The following ACTR3B variants were observed in gnomAD, a reference collection of about 807,000 sequenced individuals.
The protein encoded by ACTR3B is actin-related protein 3B.
A neutral mutation model predicts 59.0 loss-of-function variants in ACTR3B; 8 were observed. The observed-to-expected ratio is 0.14, with a 90% CI of 0.08 to 0.24. The LOEUF (loss-of-function observed/expected upper bound fraction) is 0.24, where lower values mean the gene tolerates loss of function less well. Ranked by LOEUF, ACTR3B falls within the 10% of genes least tolerant of loss-of-function variation. ACTR3B has a pLI of 1.00. For missense variants in ACTR3B, 245 were observed against 552.3 expected, an observed-to-expected ratio of 0.44 and a Z score of 5.58; for synonymous variants, 148 against 197.9, an observed-to-expected ratio of 0.75 and a Z score of 2.12.
chr7:152,772,822 C>T (rs561959175), intron 1 of ACTR3B, among the ~76,000 whole-genome samples: 109 of 150,036 alleles, frequency 7.3e-4, no homozygotes, highest in Non-Finnish European at 1.0e-3. Context: ...GAATAAATAC[C>T]GACTCAACCT....
intron 1 of ACTR3B, among the ~76,000 whole-genome samples, chr7:152,780,034 G>T (rs3107843): frequency 9.2e-5 from 14 of 152,126 alleles, no homozygotes; most frequent in East Asian, 5.8e-4. Flanking sequence ...AGGAGGGTAA[G>T]GATCTCATAG....
intron 1 of ACTR3B, among the ~76,000 whole-genome samples, chr7:152,781,493 A>G (rs1000293394): frequency 5.9e-5 from 9 of 152,166 alleles, no homozygotes; most frequent in Admixed American, 2.0e-4. Flanking sequence ...TGTTCTGGGC[A>G]GCGTGTGGAA....
At chr7:152,851,954 A>G (rs1422425359) in intron 9 of ACTR3B, among the ~76,000 whole-genome samples, 172 bp from the exon 10 acceptor site, 1 of 150,714 alleles carries the variant, frequency 6.6e-6, no homozygotes, top group African/African-American at 2.4e-5. Context: ...CTCCATAAAA[A>G]AAAAATCTAC....
At chr7:152,764,405 G>A (rs568381744) in intron 1 of ACTR3B, among the ~76,000 whole-genome samples, 1 of 152,194 alleles carries the variant, frequency 6.6e-6, no homozygotes, top group East Asian at 1.9e-4. Flanking sequence ...CGAGGATGTG[G>A]ATCACGACCC....
rs780405400 is a variant in ACTR3B, at chr7:152,823,327, T to C, written c.685-15T>C. On this transcript the variant is annotated splice_polypyrimidine_tract_variant and intron_variant, in intron 7 of 11. Transcript: ENST00000256001. The stretch of plus-strand genomic sequence containing the variant: ...AGTTGTTAATGCCTGGCAACATCTT[T>C]GTGTGTGTATGCAGGAGAAATACTG... The C allele has an allele frequency of 6.2e-7, 1 of 1,611,416 alleles. No individual in the cohort carries two copies. The highest frequency in any genetic ancestry group is 8.5e-7 in the Non-Finnish European group (1 of 1,178,530).
At chr7:152,783,570 T>G (rs1394173558) in intron 2 of ACTR3B, among the ~76,000 whole-genome samples, 1 of 152,146 alleles carries the variant, frequency 6.6e-6, no homozygotes, top group Non-Finnish European at 1.5e-5. Flanking sequence ...CTTAATGGAC[T>G]GAATATCTCT....
chr7:152,851,194 TA>T (rs1798774804), intron 9 of ACTR3B, among the ~76,000 whole-genome samples: 1 of 152,202 alleles, frequency 6.6e-6, no homozygotes, highest in African/African-American at 2.4e-5. Context: ...CAGTAACTAC[TA>T]AAGTAGAATA....
At chr7:152,819,168 A>T (rs1305457345) in intron 6 of ACTR3B, among the ~76,000 whole-genome samples, 1 of 152,248 alleles carries the variant, frequency 6.6e-6, no homozygotes, top group Admixed American at 6.5e-5. Context: ...CCTTACAAAT[A>T]CTTGGACTCT....
At chr7:152,780,477 A>G (rs2098148930) in intron 1 of ACTR3B, among the ~76,000 whole-genome samples, 3 of 151,776 alleles carry the variant, frequency 2.0e-5, no homozygotes, top group Non-Finnish European at 2.9e-5. Flanking sequence ...TTCCAAGACT[A>G]TACTGTCTAA....
intron 9 of ACTR3B, among the ~76,000 whole-genome samples, chr7:152,843,256 C>T (rs777962739): frequency 4.6e-5 from 7 of 151,770 alleles, no homozygotes; most frequent in Non-Finnish European, 1.0e-4. Context: ...GAAATTTTTG[C>T]CTACCACAAA....
intron 1 of ACTR3B, among the ~76,000 whole-genome samples, chr7:152,780,931 G>A (rs1275722205): frequency 6.8e-6 from 1 of 148,076 alleles, no homozygotes; most frequent in Non-Finnish European, 1.5e-5. Flanking sequence ...CTGCAACCTC[G>A]AACTCCTGGG....
chr7:152,854,742 T>C lies in ACTR3B; in HGVS notation c.*189T>C, dbSNP rs1799129004. 3 of 549,846 alleles carry C rather than the reference T, an allele frequency of 5.5e-6. No individual in the cohort carries two copies. The Admixed American group carries it at 9.5e-5, about 17-fold the overall frequency. The allele number at this position is 549,846 out of a possible 1,614,324, so 34.1% of individuals were successfully genotyped here. ...CCATTTATCCGTGTGCCGACCGCTG[T>C]CTGCCAGCCTCCTCCTTCTCCCGCC... On this transcript the variant is annotated 3_prime_UTR_variant, in exon 12 of 12. Transcript: ENST00000256001. The surrounding 1 kb of genome is among the most constrained non-coding windows in gnomAD (Gnocchi z 4.9).
chr7:152,788,159 G>T (rs1413360771), intron 2 of ACTR3B, among the ~76,000 whole-genome samples: 13 of 59,560 alleles, frequency 2.2e-4, no homozygotes, highest in Non-Finnish European at 1.8e-4. Context: ...GTTTCACCAT[G>T]TTGGCCAGGC....
At chr7:152,812,599 A>G (rs1252237931) in intron 4 of ACTR3B, 2 of 136,608 alleles carry the variant, frequency 1.5e-5, no homozygotes, top group Admixed American at 8.1e-5. Flanking sequence ...GTTTTGATAC[A>G]TATAATGTGT....
intron 2 of ACTR3B, among the ~76,000 whole-genome samples, chr7:152,790,900 C>T (rs976082712): frequency 6.6e-6 from 1 of 152,004 alleles, no homozygotes; most frequent in African/African-American, 2.4e-5. Flanking sequence ...CCTCAGATGG[C>T]TTTTTTGGCA....
intron 9 of ACTR3B, among the ~76,000 whole-genome samples, chr7:152,835,824 T>C (rs1797408554): frequency 6.6e-6 from 1 of 152,182 alleles, no homozygotes; most frequent in Admixed American, 6.5e-5. Flanking sequence ...AATAGTTCTG[T>C]CTCCCTACCC....
chr7:152,773,540 T>C (rs1409409092), intron 1 of ACTR3B, among the ~76,000 whole-genome samples: 1 of 151,646 alleles, frequency 6.6e-6, no homozygotes, highest in Non-Finnish European at 1.5e-5. Context: ...GGAGTGGAGA[T>C]CATGATACTG....
chr7:152,816,581 T>C lies in ACTR3B; in HGVS notation c.533T>C (p.Ile178Thr), dbSNP rs1480367428. The change falls in exon 6 of 12, where the codon ATC becomes ACC. Residue 178 changes from isoleucine to threonine, a missense_variant. Coordinates refer to ENST00000256001, the MANE Select transcript of ACTR3B (RefSeq NM_020445.6). The part of the protein sequence containing the change: ...IDSGDGVTHV[I>T]PVAEGYVIGS... ...AGCGGAGATGGAGTCACCCATGTTA[T>C]CCCAGTGGTAAGCAGAATAGTTAAT... 1.3e-6 allele frequency: 2 copies of C among 1,583,620 alleles called. No homozygotes were observed. Among genetic ancestry groups the C allele is most frequent in the East Asian group, 2.3e-5 (1 of 44,124 alleles).
At chr7:152,770,002 A>G (rs1302514300) in intron 1 of ACTR3B, among the ~76,000 whole-genome samples, 13 of 152,300 alleles carry the variant, frequency 8.5e-5, no homozygotes, top group Non-Finnish European at 1.5e-4. Context: ...ATAAATTACT[A>G]TACTCTTTCC....
Sources: gnomAD v4.1 joint callset for allele counts (sites outside exome capture counted in the v4.1 genomes callset) on GRCh38, gnomAD v4.1.1 for gene constraint, Gnocchi (gnomAD v3.1) non-coding constraint, MANE v1.5 for transcripts, NCBI Gene and HGNC (gene_info 2026-07-23, HGNC 2026-07-21) for gene names.